DPYD: variants seen among roughly 807,000 people sequenced by gnomAD.
DPYD encodes dihydropyrimidine dehydrogenase.
A neutral mutation model predicts 116.2 loss-of-function variants in DPYD; 109 were observed. The observed-to-expected ratio is 0.94, with a 90% CI of 0.80 to 1.10. The LOEUF is 1.10. Ranked by LOEUF, DPYD falls within the 50% of genes least tolerant of loss-of-function variation. The pLI is 0.00. For missense variants in DPYD, 1,302 were observed against 1,254.5 expected (o/e 1.04, Z -0.57); for synonymous variants, 440 against 432.0 (o/e 1.02, Z -0.23).
intron 14 of DPYD, chr1:97,394,135 G>A (rs939950676): frequency 1.3e-5 from 2 of 151,894 alleles, no homozygotes; most frequent in African/African-American, 2.4e-5. Context: ...TTTTTGATGG[G>A]GTTGTTTGAT....
chr1:97,500,152 A>G (rs1457971942), intron 13 of DPYD, among the ~76,000 whole-genome samples: 3 of 151,980 alleles, frequency 2.0e-5, no homozygotes. Flanking sequence ...AACAAAGCAA[A>G]CTTCTAGAAC....
chr1:97,700,753 A>T (rs1190811241), intron 5 of DPYD, among the ~76,000 whole-genome samples: 1 of 152,030 alleles, frequency 6.6e-6, no homozygotes, highest in Non-Finnish European at 1.5e-5. Flanking sequence ...ATCAAAAATA[A>T]ATTTTAGAAT....
chr1:97,430,633 A>G (rs982025125), intron 14 of DPYD, among the ~76,000 whole-genome samples: 1 of 152,052 alleles, frequency 6.6e-6, no homozygotes. Context: ...TTAATAAAAT[A>G]CTATGATGCA....
intron 19 of DPYD, among the ~76,000 whole-genome samples, chr1:97,234,601 T>C (rs1661782939): frequency 6.6e-6 from 1 of 152,136 alleles, no homozygotes; most frequent in Admixed American, 6.6e-5. Flanking sequence ...TCTTATTTAT[T>C]TCAGGATCAC....
At chr1:97,157,424 G>T (rs747769634) in intron 20 of DPYD, among the ~76,000 whole-genome samples, 1 of 152,012 alleles carries the variant, frequency 6.6e-6, no homozygotes, top group Non-Finnish European at 1.5e-5. Flanking sequence ...TTCTTATTGG[G>T]AAGACTTATC....
At chr1:97,323,253 CTTATATACATATGTGTATATGTACACGT>C (rs1476559780) in intron 16 of DPYD, among the ~76,000 whole-genome samples, 841 of 49,674 alleles carry the variant, frequency 0.017, 119 homozygotes, top group African/African-American at 0.025. Flanking sequence ...CATTTATATA[CTTATATACATATGTGTATATGTACACGT>C]ATATATACAT....
chr1:97,522,993 A>T (rs575450823), intron 12 of DPYD, among the ~76,000 whole-genome samples: 2 of 152,324 alleles, frequency 1.3e-5, no homozygotes, highest in South Asian at 4.1e-4. Context: ...CCGCTAACAT[A>T]GTTGAAAAGG....
chr1:97,536,406 G>A (rs947883155), intron 12 of DPYD, among the ~76,000 whole-genome samples: 7 of 151,980 alleles, frequency 4.6e-5, no homozygotes, highest in African/African-American at 1.5e-4. Context: ...TTAAACTGAA[G>A]GACACTTTTT....
At chr1:97,274,689 T>C (rs1664824628) in intron 18 of DPYD, among the ~76,000 whole-genome samples, 1 of 152,216 alleles carries the variant, frequency 6.6e-6, no homozygotes, top group Non-Finnish European at 1.5e-5. Context: ...CTGCAGTTTC[T>C]GCCATTACTT....
chr1:97,433,074 T>C lies in DPYD; in HGVS notation c.1905+16985A>G, dbSNP rs554600068. On this transcript the variant is annotated intron_variant, in intron 14 of 22. Transcript: ENST00000370192. Reference sequence around the variant, plus strand: ...TTTGTGCTTCAGGATATCTTTCTACTGATCTTCCCTTCCTCTAGTCTTCCA... The same window carrying C: ...TTTGTGCTTCAGGATATCTTTCTACCGATCTTCCCTTCCTCTAGTCTTCCA... Among the ~76,000 whole-genome samples, 479 of 152,286 alleles carry C rather than the reference T, an allele frequency of 3.1e-3. 3 individuals are homozygous for C. The highest frequency in any genetic ancestry group is 5.8e-3 in the Non-Finnish European group (392 of 68,026).
At chr1:97,090,566 C>T (rs1333672297) in intron 21 of DPYD, among the ~76,000 whole-genome samples, 3 of 152,104 alleles carry the variant, frequency 2.0e-5, no homozygotes, top group Admixed American at 1.3e-4. Flanking sequence ...TAAATATCAC[C>T]ATCTCTGTGA....
At chr1:97,255,379 CAT>C (rs1255821634) in intron 18 of DPYD, among the ~76,000 whole-genome samples, 1 of 152,148 alleles carries the variant, frequency 6.6e-6, no homozygotes, top group Admixed American at 6.5e-5. Flanking sequence ...TGTATTCCCA[CAT>C]GTTGTGGGAG....
At chr1:97,130,802 CCT>C (rs59592395) in intron 20 of DPYD, among the ~76,000 whole-genome samples, 1 of 30,544 alleles carries the variant, frequency 3.3e-5, no homozygotes, top group Admixed American at 2.8e-4. Flanking sequence ...TCCCTCTCTC[CCT>C]CTTTCTTTCT....
intron 12 of DPYD, chr1:97,546,652 A>G (rs565312964): frequency 1.2e-6 from 2 of 1,612,770 alleles, no homozygotes; most frequent in South Asian, 1.1e-5. Context: ...CATTGCAGAT[A>G]GGAAGGAGCA....
At chr1:97,360,619 G>A (rs1670671410) in intron 16 of DPYD, among the ~76,000 whole-genome samples, 1 of 152,174 alleles carries the variant, frequency 6.6e-6, no homozygotes, top group African/African-American at 2.4e-5. Context: ...AGACCACAGT[G>A]CAATCAAATT....
intron 20 of DPYD, among the ~76,000 whole-genome samples, chr1:97,155,661 T>C (rs1376918484): frequency 2.0e-5 from 3 of 152,194 alleles, no homozygotes; most frequent in Non-Finnish European, 4.4e-5. Flanking sequence ...ATTCATATCT[T>C]ACATTTACCC....
At chr1:97,495,582 T>G (rs1410394917) in intron 13 of DPYD, among the ~76,000 whole-genome samples, 1 of 152,070 alleles carries the variant, frequency 6.6e-6, no homozygotes, top group Non-Finnish European at 1.5e-5. Context: ...ATCTGTGAAG[T>G]GCTGTAAGAC....
intron 20 of DPYD, among the ~76,000 whole-genome samples, chr1:97,130,836 CTCCTTCCT>C (rs59350272): frequency 0.26 from 16,842 of 64,246 alleles, 1,644 homozygotes; most frequent in South Asian, 0.35. Context: ...TTTCTTCTTT[CTCCTTCCT>C]TCCTTCCTTC....
intron 16 of DPYD, among the ~76,000 whole-genome samples, chr1:97,345,338 C>T (rs1458819346): frequency 6.6e-6 from 1 of 151,928 alleles, no homozygotes; most frequent in African/African-American, 2.4e-5. Flanking sequence ...AATCATGCTT[C>T]CCATTCTATT....
Sources: allele counts gnomAD v4.1 joint callset (sites outside exome capture counted in the v4.1 genomes callset), GRCh38; gene constraint gnomAD v4.1.1; transcripts MANE v1.5; gene names NCBI Gene and HGNC (gene_info 2026-07-23, HGNC 2026-07-21).